The following ADCY1 variants were observed in gnomAD, a reference collection of about 807,000 sequenced individuals.
ADCY1 encodes the protein adenylate cyclase type 1.
In ADCY1, 28 loss-of-function variants were observed where a neutral mutation model predicts 105.4. That is an observed-to-expected ratio of 0.27 (90% confidence interval 0.20 to 0.36). ADCY1 has a LOEUF of 0.36. ADCY1 is among the 10% of genes least tolerant of loss of function. The pLI is 1.00. For missense variants in ADCY1, 977 were observed against 1,434.2 expected, an observed-to-expected ratio of 0.68 and a Z score of 5.15; for synonymous variants, 655 against 623.8, an observed-to-expected ratio of 1.05 and a Z score of -0.75.
chr7:45,687,824 C>T (rs571779804), intron 14 of ADCY1, among the ~76,000 whole-genome samples: 2 of 152,278 alleles, frequency 1.3e-5, no homozygotes, highest in South Asian at 4.1e-4. Flanking sequence ...TGGGTAGGCT[C>T]TGAACCTGTG....
intron 8 of ADCY1, among the ~76,000 whole-genome samples, chr7:45,663,240 C>G (rs1036346566): frequency 6.6e-6 from 1 of 152,230 alleles, no homozygotes; most frequent in African/African-American, 2.4e-5. Context: ...CCAGCCTCAG[C>G]GTTTGATGGA....
chr7:45,628,638 G>C (rs1233673452), intron 4 of ADCY1, among the ~76,000 whole-genome samples: 1 of 152,122 alleles, frequency 6.6e-6, no homozygotes, highest in Non-Finnish European at 1.5e-5. Flanking sequence ...AAGAGTTCTC[G>C]AATATGTGTG....
chr7:45,657,643 C>A, intron 5 of ADCY1, 84 bp from the exon 6 acceptor site: 1 of 1,421,588 alleles, frequency 7.0e-7, no homozygotes. Flanking sequence ...CCCTGGTGCT[C>A]ACAGCCTAGC....
At chr7:45,684,571 T>C (rs1784629158) in intron 11 of ADCY1, 1 of 154,898 alleles carries the variant, frequency 6.5e-6, no homozygotes, top group South Asian at 2.0e-4. Flanking sequence ...CTATAAAACC[T>C]ACGTGAACAA....
chr7:45,678,277 T>C lies in ADCY1; in HGVS notation c.1898+14T>C, dbSNP rs1222653965. 2 of 1,608,942 alleles carry C rather than the reference T, an allele frequency of 1.2e-6. No homozygotes were observed. The highest frequency in any genetic ancestry group is 3.3e-4 in the Middle Eastern group (2 of 6,050). The stretch of plus-strand genomic sequence containing the variant: ...AATATTCCCACAGTGAGTATTTCTA[T>C]CAACGAGGTGAGGAACTCACCAAGA... On this transcript the variant is annotated intron_variant, in intron 10 of 19. Coordinates refer to ENST00000297323, the MANE Select transcript of ADCY1 (RefSeq NM_021116.4).
intron 3 of ADCY1, among the ~76,000 whole-genome samples, chr7:45,622,353 T>C (rs893387367): frequency 1.5e-4 from 23 of 152,172 alleles, no homozygotes; most frequent in African/African-American, 4.8e-4. Flanking sequence ...GGGCTTTCCC[T>C]ATGTGGTGTG....
At chr7:45,622,598 G>C in intron 3 of ADCY1, 34 bp from the exon 4 acceptor site, 1 of 1,493,260 alleles carries the variant, frequency 6.7e-7, no homozygotes, top group Non-Finnish European at 9.3e-7. Context: ...GAGTGACTGG[G>C]AGAAGGGCAG....
At chr7:45,712,266 G>C (rs1785275261) in intron 19 of ADCY1, among the ~76,000 whole-genome samples, 1 of 130,510 alleles carries the variant, frequency 7.7e-6, no homozygotes, top group Non-Finnish European at 1.6e-5. Context: ...TTTTTTTACA[G>C]TGTACTTTTT....
chr7:45,651,487 G>A (rs1794810752), intron 5 of ADCY1, among the ~76,000 whole-genome samples: 1 of 152,148 alleles, frequency 6.6e-6, no homozygotes, highest in African/African-American at 2.4e-5. Flanking sequence ...GGAGTGGAGT[G>A]TTTTATTTGA....
intron 1 of ADCY1, among the ~76,000 whole-genome samples, chr7:45,580,224 C>G (rs1792490215): frequency 6.6e-6 from 1 of 152,230 alleles, no homozygotes; most frequent in Non-Finnish European, 1.5e-5. Flanking sequence ...AGGGGCTTTT[C>G]TCTGCCCCTC....
Position 45,722,035 on chromosome 7 carries a change from G to A in ADCY1, c.*8040G>A, listed in dbSNP as rs1250601806. 5.1e-6 allele frequency: 2 copies of A among 390,736 alleles called. No individual in the cohort carries two copies. The highest frequency in any genetic ancestry group is 9.0e-6 in the Non-Finnish European group (2 of 221,420). 24.2% of individuals were successfully genotyped at this position (390,736 alleles called of 1,614,324 possible). On this transcript the variant is annotated 3_prime_UTR_variant, in exon 20 of 20. Transcript: ENST00000297323. ...ATCCACCTCCCAGGTGAGGGCAGTG[G>A]GAAGCTGGCCCGACGGCAGCCAGAA...
chr7:45,608,615 G>A (rs1313694371), intron 2 of ADCY1, among the ~76,000 whole-genome samples: 1 of 152,260 alleles, frequency 6.6e-6, no homozygotes, highest in Non-Finnish European at 1.5e-5. Context: ...AAGTCAGGAT[G>A]TGTGCCAGGG....
chr7:45,689,107 T>A (rs183738979), intron 14 of ADCY1, among the ~76,000 whole-genome samples: 1 of 151,516 alleles, frequency 6.6e-6, no homozygotes, highest in African/African-American at 2.4e-5. Context: ...CTGTCTTCAC[T>A]GCATACCTGA....
At chr7:45,673,452 T>C (rs1784399347) in intron 8 of ADCY1, among the ~76,000 whole-genome samples, 1 of 152,208 alleles carries the variant, frequency 6.6e-6, no homozygotes, top group African/African-American at 2.4e-5. Context: ...AGTCAATTTC[T>C]TTAGAAATTA....
At chr7:45,712,022 TATTATAC>T (rs1785264871) in intron 19 of ADCY1, among the ~76,000 whole-genome samples, 2 of 112,636 alleles carry the variant, frequency 1.8e-5, no homozygotes, top group South Asian at 4.5e-4. Flanking sequence ...ATATTTTATA[TATTATAC>T]TAAATATATA....
Position 45,719,726 on chromosome 7 carries a change from G to C in ADCY1, c.*5731G>C, listed in dbSNP as rs1376964773. The C allele has an allele frequency of 1.3e-5, 2 of 152,150 alleles. No individual in the cohort carries two copies. Among genetic ancestry groups the C allele is most frequent in the African/African-American group, 4.8e-5 (2 of 41,424 alleles). The allele number at this position is 152,150 out of a possible 1,614,324, so 9.4% of individuals were successfully genotyped here. ...GCCAAATGAAAATCATTTGTTCATG[G>C]GATTCATATGAGGAACAAAATTAAA... On this transcript the variant is annotated 3_prime_UTR_variant, in exon 20 of 20. Coordinates refer to ENST00000297323, the MANE Select transcript of ADCY1 (RefSeq NM_021116.4).
At chr7:45,711,668 C>CATATACACAT (rs1562735656) in intron 19 of ADCY1, among the ~76,000 whole-genome samples, 1 of 132,686 alleles carries the variant, frequency 7.5e-6, no homozygotes, top group African/African-American at 2.8e-5. Context: ...TATGTATACA[C>CATATACACAT]ATATACACAT....
intron 14 of ADCY1, among the ~76,000 whole-genome samples, chr7:45,697,946 G>A (rs545054643): frequency 1.7e-4 from 26 of 152,210 alleles, no homozygotes; most frequent in African/African-American, 6.0e-4. Context: ...TGGTTTATTT[G>A]AGCTGATTTG....
intron 1 of ADCY1, among the ~76,000 whole-genome samples, chr7:45,590,344 C>T (rs1322660538): frequency 2.0e-5 from 3 of 152,156 alleles, no homozygotes; most frequent in Non-Finnish European, 2.9e-5. Context: ...TCCTAATTGT[C>T]GTTTTTGTTT....
Sources: allele counts gnomAD v4.1 joint callset (sites outside exome capture counted in the v4.1 genomes callset), GRCh38; gene constraint gnomAD v4.1.1; transcripts MANE v1.5; gene names NCBI Gene and HGNC (gene_info 2026-07-23, HGNC 2026-07-21).